Variants in RAP1GDS1 observed in about 807,000 individuals in gnomAD.
The protein encoded by RAP1GDS1 is RAP1, GTP-GDP dissociation stimulator 1.
Under a neutral mutation model 71.1 loss-of-function variants are expected in RAP1GDS1, and 35 were observed. That is an observed-to-expected ratio of 0.49 (90% CI 0.38 to 0.65). The LOEUF is 0.65. Ranked by LOEUF, RAP1GDS1 falls within the 30% of genes least tolerant of loss-of-function variation. RAP1GDS1 has a pLI of 0.00. For missense variants in RAP1GDS1, 663 were observed against 706.1 expected (o/e 0.94, Z 0.69); for synonymous variants, 229 against 243.1 (o/e 0.94, Z 0.54).
chr4:98,297,165 G>T (rs1291487090), intron 2 of RAP1GDS1, among the ~76,000 whole-genome samples: 1 of 151,922 alleles, frequency 6.6e-6, no homozygotes. Context: ...AGCATTTAAT[G>T]TCTAGTTCCA....
intron 2 of RAP1GDS1, among the ~76,000 whole-genome samples, chr4:98,305,435 A>C (rs1028375989): frequency 1.3e-5 from 2 of 152,180 alleles, no homozygotes; most frequent in African/African-American, 2.4e-5. Flanking sequence ...AGAAGGCTGT[A>C]TATAGGGTCT....
At chr4:98,381,961 T>A (rs1252860807) in intron 5 of RAP1GDS1, among the ~76,000 whole-genome samples, 1 of 151,596 alleles carries the variant, frequency 6.6e-6, no homozygotes, top group Non-Finnish European at 1.5e-5. Context: ...AAGCTTCCTG[T>A]TCATACAGTA....
intron 1 of RAP1GDS1, among the ~76,000 whole-genome samples, chr4:98,268,753 T>G (rs951298999): frequency 3.9e-5 from 6 of 152,066 alleles, no homozygotes; most frequent in African/African-American, 1.4e-4. Context: ...TAGGAATAGA[T>G]TTAACCAAGA....
intron 4 of RAP1GDS1, among the ~76,000 whole-genome samples, chr4:98,367,328 T>G (rs1739643681): frequency 6.6e-6 from 1 of 152,154 alleles, no homozygotes; most frequent in African/African-American, 2.4e-5. Flanking sequence ...TTGCAGGAAA[T>G]GTATGGAAAC....
In RAP1GDS1 at chr4:98,261,402, C is replaced by T. The variant is rs1431176364; in HGVS notation, c.-164C>T. ...CCCCGCCGCTCGTCCCCGCCGCGGC[C>T]GCGCCGCCTGCAGCAGCACCAGCTG... is the stretch of plus-strand genomic sequence containing the variant. On this transcript the variant is annotated 5_prime_UTR_variant, in exon 1 of 15. Transcript: ENST00000408927. 7.1e-6 allele frequency: 2 copies of T among 282,970 alleles called. No individual in the cohort carries two copies. Among genetic ancestry groups the T allele is most frequent in the Non-Finnish European group, 1.2e-5 (2 of 171,620 alleles). 17.5% of individuals were successfully genotyped at this position (282,970 alleles called of 1,614,324 possible).
At chr4:98,288,365 C>G (rs1371714595) in intron 1 of RAP1GDS1, among the ~76,000 whole-genome samples, 1 of 152,076 alleles carries the variant, frequency 6.6e-6, no homozygotes, top group Non-Finnish European at 1.5e-5. Flanking sequence ...ATGAACTCAT[C>G]GTTTTTTATG....
Position 98,374,923 on chromosome 4 carries a change from C to CA in RAP1GDS1, c.362-4090dup, listed in dbSNP as rs34027838. ...TTCCTATTACAGTTAGCCTGTAGAG[C>CA]AAAATCCCATTTCTAAACAATACTC... On this transcript the variant is annotated intron_variant, in intron 4 of 14. Transcript: ENST00000408927. Among the ~76,000 whole-genome samples the CA allele has an allele frequency of 3.3e-3, 496 of 152,200 alleles. 2 individuals are homozygous for CA. The highest frequency in any genetic ancestry group is 5.0e-3 in the Non-Finnish European group (338 of 68,000).
intron 7 of RAP1GDS1, among the ~76,000 whole-genome samples, chr4:98,408,686 AAATT>A (rs1191442711): frequency 4.6e-5 from 7 of 152,194 alleles, no homozygotes; most frequent in African/African-American, 1.2e-4. Flanking sequence ...TATATTAAAA[AAATT>A]AATCACACCA....
At chr4:98,441,355 C>CA (rs968686469) in intron 14 of RAP1GDS1, 6 of 984,638 alleles carry the variant, frequency 6.1e-6, no homozygotes, top group Admixed American at 1.2e-4. Flanking sequence ...AAGAAGAGGA[C>CA]AAAAAATCTA....
intron 2 of RAP1GDS1, among the ~76,000 whole-genome samples, chr4:98,337,404 TATAACTTCTAAATGAC>T (rs1165961783): frequency 6.6e-6 from 1 of 152,238 alleles, no homozygotes; most frequent in South Asian, 2.1e-4. Context: ...GTCATCAACA[TATAACTTCTAAATGAC>T]AGTTGTAGTA....
intron 1 of RAP1GDS1, among the ~76,000 whole-genome samples, chr4:98,274,383 T>A (rs1723913745): frequency 6.6e-6 from 1 of 152,204 alleles, no homozygotes; most frequent in African/African-American, 2.4e-5. Flanking sequence ...TCTGTGAGAA[T>A]AAATGAAGTT....
chr4:98,394,354 C>T (rs578140746), intron 6 of RAP1GDS1, among the ~76,000 whole-genome samples: 13 of 152,022 alleles, frequency 8.6e-5, no homozygotes, highest in Non-Finnish European at 1.8e-4. Context: ...TCATTATTAC[C>T]GCCTCTTATG....
chr4:98,405,151 TACTGGAATTATTAGAC>T (rs1745944528), intron 7 of RAP1GDS1, among the ~76,000 whole-genome samples: 1 of 152,208 alleles, frequency 6.6e-6, no homozygotes, highest in Non-Finnish European at 1.5e-5. Context: ...AATCTTCAGA[TACTGGAATTATTAGAC>T]ACTGATTCAA....
intron 2 of RAP1GDS1, chr4:98,296,964 A>T (rs1226540236): frequency 3.3e-6 from 1 of 301,162 alleles, no homozygotes; most frequent in Non-Finnish European, 6.5e-6. Context: ...AGTGTGCCAT[A>T]CAGCTTTAAA....
chr4:98,263,015 C>T (rs1196002268), intron 1 of RAP1GDS1, among the ~76,000 whole-genome samples: 2 of 152,146 alleles, frequency 1.3e-5, no homozygotes, highest in Non-Finnish European at 2.9e-5. Flanking sequence ...CCCATTTATG[C>T]GTGTCTGCCT....
chr4:98,441,887 G>C (rs1382672779), intron 14 of RAP1GDS1, 103 bp from the exon 15 acceptor site: 35 of 1,270,686 alleles, frequency 2.8e-5, no homozygotes, highest in Non-Finnish European at 3.4e-5. Context: ...ATTGTTTCTA[G>C]TTTTATAAGC....
intron 6 of RAP1GDS1, chr4:98,396,823 T>C (rs1271442201): frequency 6.6e-6 from 1 of 152,248 alleles, no homozygotes; most frequent in Non-Finnish European, 1.5e-5. Flanking sequence ...TTAAAATTCA[T>C]GTCACATACT....
At chr4:98,352,177 G>A (rs377749044) in intron 3 of RAP1GDS1, among the ~76,000 whole-genome samples, 101 of 152,010 alleles carry the variant, frequency 6.6e-4, no homozygotes, top group Middle Eastern at 3.4e-3. Flanking sequence ...TCGTTATTAC[G>A]AGAAGATAGT....
At chr4:98,380,389 G>A (rs1338714544) in intron 5 of RAP1GDS1, among the ~76,000 whole-genome samples, 3 of 151,790 alleles carry the variant, frequency 2.0e-5, no homozygotes, top group African/African-American at 7.2e-5. Flanking sequence ...TAAACAGAAA[G>A]TATCTTCAGG....
Sources: allele counts gnomAD v4.1 joint callset (sites outside exome capture counted in the v4.1 genomes callset), GRCh38; gene constraint gnomAD v4.1.1; transcripts MANE v1.5; gene names NCBI Gene and HGNC (gene_info 2026-07-23, HGNC 2026-07-21).